Variants in MICALL2 observed in about 807,000 individuals in gnomAD.
MICALL2 encodes MICAL-like protein 2.
In MICALL2, 111 loss-of-function variants were observed where a neutral mutation model predicts 91.1. That is an observed-to-expected ratio of 1.22 (90% CI 1.04 to 1.43). MICALL2 has a LOEUF of 1.43. Among genes scored for constraint, MICALL2 ranks in the 40% most tolerant of loss-of-function variants. The pLI, the probability that MICALL2 is intolerant of heterozygous loss-of-function variation, is 0.00. For missense variants in MICALL2, 1,556 were observed against 1,236.0 expected (o/e 1.26, Z -3.88); for synonymous variants, 694 against 525.3 (o/e 1.32, Z -4.39).
chr7:1,435,695 C>T (rs952205873), intron 15 of MICALL2, among the ~76,000 whole-genome samples: 15 of 152,230 alleles, frequency 9.9e-5, no homozygotes, highest in African/African-American at 3.1e-4. Context: ...GGAAAGCTGT[C>T]GGGGACAGTC....
intron 8 of MICALL2, 42 bp from the exon 9 acceptor site, chr7:1,440,127 CA>C: frequency 6.4e-7 from 1 of 1,552,560 alleles, no homozygotes; most frequent in South Asian, 1.2e-5. Flanking sequence ...CCACCAGCCC[CA>C]GGGCCTGGCC....
rs908972120 is a variant in MICALL2 at position 1,447,596 on chromosome 7, T to C, written c.504A>G (p.Ala168=). ...TTACAGTCTTGGGGGGCGGGCCCCC[T>C]GCACCCTCATTCCTCCTCTGGACCA... ...NPVVQRRNEG[A]GGPPPKTDQA... is the part of the protein sequence containing the mutation. The change falls in exon 4 of 17, where the codon GCA becomes GCG. Residue 168 remains alanine, a synonymous_variant. Transcript: ENST00000297508. 2 of 1,582,386 alleles carry C rather than the reference T, an allele frequency of 1.3e-6. No homozygotes were observed. Among genetic ancestry groups the C allele is most frequent in the African/African-American group, 1.3e-5 (1 of 74,254 alleles).
chr7:1,458,253 T>G (rs1781090526), intron 1 of MICALL2, among the ~76,000 whole-genome samples: 1 of 152,042 alleles, frequency 6.6e-6, no homozygotes, highest in African/African-American at 2.4e-5. Context: ...TTAGCCTCGG[T>G]TCTCTGGTCT....
intron 6 of MICALL2, among the ~76,000 whole-genome samples, chr7:1,443,917 T>TCCAGGCACAGGCAGGCG (rs796133672): frequency 1.1e-4 from 16 of 152,074 alleles, no homozygotes; most frequent in Non-Finnish European, 1.6e-4. Flanking sequence ...CTGCTCAGGG[T>TCCAGGCACAGGCAGGCG]CCAGGCACAG....
At position 1,442,062 on chromosome 7, in the gene MICALL2, G is replaced by A. The variant is rs112616362; in HGVS notation, c.1711+130C>T. The A allele has an allele frequency of 2.9e-5, 31 of 1,064,834 alleles. No homozygotes were observed. In the African/African-American group the frequency reaches 4.1e-4, roughly 14 times the overall value. The allele number at this position is 1,064,834 out of a possible 1,614,324, so 66.0% of individuals were successfully genotyped here. The stretch of plus-strand genomic sequence containing the variant: ...GAGGCTGCGAGCAGGTGTCACGGAG[G>A]ACAGAGATGAGACGGAGAGGAAGGC... On this transcript the variant is annotated intron_variant, in intron 7 of 16. Transcript: ENST00000297508.
intron 9 of MICALL2, chr7:1,439,662 CACAT>C (rs1584203789): frequency 2.5e-6 from 1 of 392,180 alleles, no homozygotes; most frequent in East Asian, 3.9e-5. Context: ...ATGCATCACA[CACAT>C]GAACACAGAT....
In MICALL2 at chr7:1,439,526, CAG is replaced by C. The variant is rs199632699; in HGVS notation, c.1966+397_1966+398del. The C allele has an allele frequency of 1.7e-3, 345 of 203,710 alleles. 3 individuals carry two copies. Among genetic ancestry groups the C allele is most frequent in the African/African-American group, 7.7e-3 (332 of 42,928 alleles). 12.6% of individuals were successfully genotyped at this position (203,710 alleles called of 1,614,324 possible). A position where few individuals can be genotyped will look rare whatever the true frequency, so the allele number is the denominator to read the frequency against. ...CACACATGCATCACATACACGAACA[CAG>C]ACACATGGACACGCATCACACATGT... On this transcript the variant is annotated intron_variant, in intron 9 of 16. Coordinates refer to ENST00000297508, the MANE Select transcript of MICALL2 (RefSeq NM_182924.4).
At chr7:1,455,835 G>A (rs1173079090) in intron 1 of MICALL2, among the ~76,000 whole-genome samples, 1 of 151,996 alleles carries the variant, frequency 6.6e-6, no homozygotes, top group African/African-American at 2.4e-5. Flanking sequence ...GAGACAGGAC[G>A]TCCACCCTTC....
chr7:1,436,096 C>T (rs2128518584), intron 15 of MICALL2, among the ~76,000 whole-genome samples: 1 of 150,720 alleles, frequency 6.6e-6, no homozygotes, highest in African/African-American at 2.4e-5. Flanking sequence ...ACAAAAAAAA[C>T]TAAGACTTTA....
chr7:1,450,515 C>A, intron 1 of MICALL2: 1 of 542,752 alleles, frequency 1.8e-6, no homozygotes, highest in Non-Finnish European at 3.4e-6. Context: ...ACGGCCCCAG[C>A]TTCACCTCCT....
chr7:1,454,228 A>G (rs997910515), intron 1 of MICALL2, among the ~76,000 whole-genome samples: 1 of 151,996 alleles, frequency 6.6e-6, no homozygotes, highest in African/African-American at 2.4e-5. Context: ...CACATCCAGC[A>G]CATCAGGAGA....
At chr7:1,446,514 A>G (rs1445527573) in intron 5 of MICALL2, 199 bp downstream of exon 5, 9 of 485,214 alleles carry the variant, frequency 1.9e-5, no homozygotes, top group Non-Finnish European at 3.3e-5. Context: ...AGTGAAAGGG[A>G]GAAGAGGGAG....
chr7:1,434,747 C>T, intron 16 of MICALL2, 75 bp from the exon 17 acceptor site: 1 of 1,394,808 alleles, frequency 7.2e-7, no homozygotes, highest in Non-Finnish European at 9.7e-7. Context: ...AGTCCCCCTG[C>T]CAGAAACATC....
intron 9 of MICALL2, chr7:1,439,612 CACAT>C (rs1780177723): frequency 6.6e-6 from 2 of 302,682 alleles, no homozygotes; most frequent in South Asian, 1.2e-4. Flanking sequence ...CATCACACAT[CACAT>C]ACATGAACAG....
intron 8 of MICALL2, 36 bp downstream of exon 8, chr7:1,440,555 G>T: frequency 6.4e-7 from 1 of 1,561,616 alleles, no homozygotes; most frequent in South Asian, 1.1e-5. Context: ...CACCTATGGT[G>T]TACCAGGCCC....
intron 1 of MICALL2, among the ~76,000 whole-genome samples, chr7:1,455,762 G>A (rs1224004426): frequency 6.6e-6 from 1 of 151,992 alleles, no homozygotes; most frequent in Non-Finnish European, 1.5e-5. Context: ...CTCTCTGCGT[G>A]CAGCAGGAAG....
intron 1 of MICALL2, among the ~76,000 whole-genome samples, chr7:1,454,635 G>A (rs979238865): frequency 4.6e-5 from 7 of 152,224 alleles, no homozygotes; most frequent in African/African-American, 1.7e-4. Flanking sequence ...CAGAGGTCTG[G>A]CTACAGGCCC....
chr7:1,439,728 AACACATGCACACATGCATCAC>A (rs1276577392), intron 9 of MICALL2, 176 bp downstream of exon 9: 17 of 447,882 alleles, frequency 3.8e-5, no homozygotes, highest in South Asian at 1.3e-4. Context: ...CACATACATG[AACACATGCACACATGCATCAC>A]ACACATGCAC....
At chr7:1,446,590 A>C in intron 5 of MICALL2, 123 bp downstream of exon 5, 1 of 465,022 alleles carries the variant, frequency 2.2e-6, no homozygotes, top group Non-Finnish European at 3.8e-6. Flanking sequence ...AGGAGGGGAG[A>C]GGGGAGAGGG....
Sources: allele counts gnomAD v4.1 joint callset (sites outside exome capture counted in the v4.1 genomes callset), GRCh38; gene constraint gnomAD v4.1.1; transcripts MANE v1.5; gene names NCBI Gene and HGNC (gene_info 2026-07-23, HGNC 2026-07-21).